Variants in CENPL observed in about 807,000 individuals in gnomAD.
CENPL encodes centromere protein L.
Under a neutral mutation model 35.2 loss-of-function variants are expected in CENPL, and 20 were observed. The ratio of observed to expected loss-of-function variants is 0.57; its 90% CI spans 0.40 to 0.83. The LOEUF (loss-of-function observed/expected upper bound fraction) is 0.83, where lower values mean the gene tolerates loss of function less well. CENPL is among the 40% of genes least tolerant of loss of function. The pLI, the probability that CENPL is intolerant of heterozygous loss-of-function variation, is 0.00. For synonymous variants in CENPL, 140 were observed against 140.6 expected (o/e 1.00, Z 0.03); for missense variants, 363 against 395.8 (o/e 0.92, Z 0.70).
At chr1:173,801,085 G>A (rs369863894) in intron 5 of CENPL, among the ~76,000 whole-genome samples, 5 of 152,094 alleles carry the variant, frequency 3.3e-5, no homozygotes, top group African/African-American at 1.2e-4. Context: ...CATGAATATA[G>A]TGCTTATAGA....
chr1:173,815,337 G>A (rs1456175701), intron 2 of CENPL, among the ~76,000 whole-genome samples: 1 of 152,138 alleles, frequency 6.6e-6, no homozygotes, highest in Non-Finnish European at 1.5e-5. Context: ...CTCATTTTAT[G>A]AGGCCAGCAT....
intron 2 of CENPL, among the ~76,000 whole-genome samples, 194 bp from the exon 3 acceptor site, chr1:173,811,500 T>A (rs1384072895): frequency 1.3e-5 from 2 of 152,242 alleles, no homozygotes; most frequent in Non-Finnish European, 2.9e-5. Context: ...ATCTTACAGA[T>A]ACCTCAAAAA....
At chr1:173,815,602 T>C (rs553316291) in intron 2 of CENPL, among the ~76,000 whole-genome samples, 11 of 152,282 alleles carry the variant, frequency 7.2e-5, no homozygotes, top group Admixed American at 1.3e-4. Context: ...ATTATCTCAA[T>C]AGATGCAGAA....
chr1:173,801,938 G>A (rs746295880), intron 5 of CENPL, among the ~76,000 whole-genome samples: 28 of 151,528 alleles, frequency 1.8e-4, no homozygotes, highest in Non-Finnish European at 2.7e-4. Context: ...CACGAGAATC[G>A]CTTGAGCCTA....
At chr1:173,808,368 C>T (rs927981980) in intron 3 of CENPL, 1 of 152,004 alleles carries the variant, frequency 6.6e-6, no homozygotes, top group Non-Finnish European at 1.5e-5. Flanking sequence ...CGAGATCACG[C>T]CACTGCACTC....
At chr1:173,812,245 G>A (rs1351392472) in intron 2 of CENPL, among the ~76,000 whole-genome samples, 1 of 152,270 alleles carries the variant, frequency 6.6e-6, no homozygotes, top group Non-Finnish European at 1.5e-5. Context: ...GCAGGGCATA[G>A]CTGAACAAAA....
intron 3 of CENPL, among the ~76,000 whole-genome samples, chr1:173,810,358 C>T (rs921828687): frequency 5.3e-5 from 8 of 151,438 alleles, no homozygotes; most frequent in Non-Finnish European, 1.2e-4. Context: ...TTAGGCCTGT[C>T]GGGGGTGGAG....
chr1:173,806,788 G>T (rs1317838265), intron 4 of CENPL, among the ~76,000 whole-genome samples: 1 of 152,046 alleles, frequency 6.6e-6, no homozygotes, highest in Non-Finnish European at 1.5e-5. Flanking sequence ...CTCCCAAAGT[G>T]CTGGGATTAC....
intron 2 of CENPL, among the ~76,000 whole-genome samples, chr1:173,820,645 A>T (rs537376053): frequency 8.5e-5 from 13 of 152,334 alleles, no homozygotes; most frequent in African/African-American, 2.9e-4. Context: ...TAGTAGCTTT[A>T]TTCATAATAG....
rs1241828664 is a variant in CENPL, at chr1:173,799,605, A to G, written c.*843T>C. 6.6e-6 allele frequency: 1 copy of G among 152,232 alleles called. No homozygotes were observed. The highest frequency in any genetic ancestry group is 2.4e-5 in the African/African-American group (1 of 41,462). 9.4% of individuals were successfully genotyped at this position (152,232 alleles called of 1,614,324 possible). A position where few individuals can be genotyped will look rare whatever the true frequency, so the allele number is the denominator to read the frequency against. ...TTGCAACAGGAGTTGAACTGTATTT[A>G]AAACAGAAGCATATTAATGACTAAA... On this transcript the variant is annotated 3_prime_UTR_variant, in exon 6 of 6. Coordinates refer to ENST00000682279, the MANE Select transcript of CENPL (RefSeq NM_001387287.1).
chr1:173,819,816 T>C (rs79612085), intron 2 of CENPL, among the ~76,000 whole-genome samples: 8,008 of 151,878 alleles, frequency 0.053, 678 homozygotes, highest in African/African-American at 0.18. Flanking sequence ...CTCAGTCTCC[T>C]GAGTAGCTGA....
intron 4 of CENPL, chr1:173,806,407 G>A (rs994029974): frequency 1.4e-5 from 6 of 439,048 alleles, no homozygotes; most frequent in Non-Finnish European, 2.7e-5. Context: ...GCAACATGGC[G>A]AGACCCTGTC....
At position 173,800,263 on chromosome 1, in the gene CENPL, T is replaced by C. The variant is rs1649625612; in HGVS notation, c.*185A>G. ...TACATGGGCACCTGGCTGTGGCTCA[T>C]CTACTACCATATTCTTTGTTCTTCT... is the stretch of plus-strand genomic sequence containing the variant. On this transcript the variant is annotated 3_prime_UTR_variant, in exon 6 of 6. Coordinates refer to ENST00000682279, the MANE Select transcript of CENPL (RefSeq NM_001387287.1). The C allele has an allele frequency of 6.6e-6, 3 of 454,576 alleles. No individual in the cohort carries two copies. In the South Asian group the frequency reaches 1.4e-4, roughly 22 times the overall value. 28.2% of individuals were successfully genotyped at this position (454,576 alleles called of 1,614,324 possible). A position where few individuals can be genotyped will look rare whatever the true frequency, so the allele number is the denominator to read the frequency against.
Position 173,800,251 on chromosome 1 carries a change from G to T in CENPL, c.*197C>A. ...TATCATGATTAGTACATGGGCACCTGGCTGTGGCTCATCTACTACCATATT... is the reference window on the plus strand; with the variant it reads ...TATCATGATTAGTACATGGGCACCTTGCTGTGGCTCATCTACTACCATATT... On this transcript the variant is annotated 3_prime_UTR_variant, in exon 6 of 6. Coordinates refer to ENST00000682279, the MANE Select transcript of CENPL (RefSeq NM_001387287.1). 2.3e-6 allele frequency: 1 copy of T among 432,336 alleles called. No homozygotes were observed. The highest frequency in any genetic ancestry group is 4.2e-6 in the Non-Finnish European group (1 of 235,782). The allele number at this position is 432,336 out of a possible 1,614,324, so 26.8% of individuals were successfully genotyped here. A position where few individuals can be genotyped will look rare whatever the true frequency, so the allele number is the denominator to read the frequency against.
At chr1:173,823,774 TAA>T (rs1652245339) in intron 2 of CENPL, 150 bp downstream of exon 2, 2 of 152,184 alleles carry the variant, frequency 1.3e-5, no homozygotes, top group Non-Finnish European at 2.9e-5. Flanking sequence ...CACCAATACC[TAA>T]ATCCAACCGC....
intron 2 of CENPL, among the ~76,000 whole-genome samples, chr1:173,816,464 T>C (rs1020799289): frequency 6.6e-6 from 1 of 152,178 alleles, no homozygotes; most frequent in Non-Finnish European, 1.5e-5. Flanking sequence ...CAAAACAGCA[T>C]GGTACTGGTA....
In CENPL at chr1:173,819,142, T is replaced by C. The variant is rs957948434; in HGVS notation, c.-8+4784A>G. Reference sequence around the variant, plus strand: ...GTCCCAGCTACTCAGGAGGCTGAAGTAGGACTGCATGAGCCCAGGAGGTCA... The same window carrying C: ...GTCCCAGCTACTCAGGAGGCTGAAGCAGGACTGCATGAGCCCAGGAGGTCA... On this transcript the variant is annotated intron_variant, in intron 2 of 5. Coordinates refer to ENST00000682279, the MANE Select transcript of CENPL (RefSeq NM_001387287.1). Among the ~76,000 whole-genome samples, 5 of 150,108 alleles carry C rather than the reference T, an allele frequency of 3.3e-5. No individual in the cohort carries two copies. The East Asian group carries it at 6.0e-4, about 18-fold the overall frequency.
At chr1:173,814,438 G>C (rs1331151602) in intron 2 of CENPL, among the ~76,000 whole-genome samples, 1 of 152,114 alleles carries the variant, frequency 6.6e-6, no homozygotes, top group East Asian at 1.9e-4. Context: ...TGGAAGCAAA[G>C]CACTCTTCAG....
intron 3 of CENPL, among the ~76,000 whole-genome samples, chr1:173,807,840 C>A (rs1333252726): frequency 1.3e-5 from 2 of 152,190 alleles, no homozygotes. Flanking sequence ...CCTCATCTGG[C>A]TTTACTTTTC....
Sources: allele counts gnomAD v4.1 joint callset (sites outside exome capture counted in the v4.1 genomes callset), GRCh38; gene constraint gnomAD v4.1.1; transcripts MANE v1.5; gene names NCBI Gene and HGNC (gene_info 2026-07-23, HGNC 2026-07-21).